Variants in KIFC3 observed in about 807,000 individuals in gnomAD.
The protein encoded by KIFC3 is kinesin family member C3, also known as kinesin-like protein KIFC3.
Under a neutral mutation model 101.8 loss-of-function variants are expected in KIFC3, and 60 were observed. The observed-to-expected ratio is 0.59, with a 90% CI of 0.48 to 0.73. KIFC3 has a LOEUF of 0.73. Ranked by LOEUF, KIFC3 falls within the 30% of genes least tolerant of loss-of-function variation. KIFC3 has a pLI of 0.00. For missense variants in KIFC3, 966 were observed against 1,137.1 expected, an observed-to-expected ratio of 0.85 and a Z score of 2.16; for synonymous variants, 476 against 482.7, an observed-to-expected ratio of 0.99 and a Z score of 0.18.
intron 1 of KIFC3, among the ~76,000 whole-genome samples, chr16:57,837,700 G>A (rs62039941): frequency 3.9e-5 from 6 of 152,274 alleles, no homozygotes; most frequent in Admixed American, 2.0e-4. Flanking sequence ...GTGCAAGGAT[G>A]AGGGTGTGTC....
At chr16:57,815,357 A>T in intron 1 of KIFC3, 1 of 1,005,418 alleles carries the variant, frequency 9.9e-7, no homozygotes, top group Non-Finnish European at 1.2e-6. Context: ...TGTTAGCTCA[A>T]GGCCACAGGT....
chr16:57,852,806 G>A (rs1367131963), intron 1 of KIFC3, among the ~76,000 whole-genome samples: 2 of 152,124 alleles, frequency 1.3e-5, no homozygotes, highest in African/African-American at 4.8e-5. Context: ...CCTATCTAGC[G>A]AAAAGATTCT....
At chr16:57,812,509 G>A (rs1014810970) in intron 1 of KIFC3, among the ~76,000 whole-genome samples, 1 of 152,126 alleles carries the variant, frequency 6.6e-6, no homozygotes, top group Non-Finnish European at 1.5e-5. Context: ...AGTGGCAGGC[G>A]GTGGCCCCAG....
chr16:57,777,146 G>A (rs1042338441), intron 3 of KIFC3: 1 of 152,008 alleles, frequency 6.6e-6, no homozygotes, highest in South Asian at 2.1e-4. Flanking sequence ...CTTAACAAAG[G>A]TTAAATATTG....
chr16:57,844,546 G>A (rs1282734614), intron 1 of KIFC3, among the ~76,000 whole-genome samples: 2 of 152,138 alleles, frequency 1.3e-5, no homozygotes, highest in African/African-American at 4.8e-5. Flanking sequence ...CCCTGGGGAG[G>A]GGGATTGGAG....
At chr16:57,802,970 C>G (rs1482048053), upstream of KIFC3, 1 of 1,535,736 alleles carries the variant, frequency 6.5e-7, no homozygotes, top group Admixed American at 2.0e-5. The surrounding 1 kb of genome is among the most constrained non-coding windows in gnomAD (Gnocchi z 5.0). Context: ...CGAGACAATA[C>G]ATGTACATCC....
At chr16:57,805,864 C>T (rs952861752), upstream of KIFC3, among the ~76,000 whole-genome samples, 3 of 151,864 alleles carry the variant, frequency 2.0e-5, no homozygotes, top group African/African-American at 7.3e-5. Flanking sequence ...TTAGTAGAGA[C>T]GGTGTTTTGC....
In KIFC3 at chr16:57,832,384, C is replaced by T. The variant is rs116408507; in HGVS notation, c.108+30345G>A. On this transcript the variant is annotated intron_variant, in intron 1 of 2. Coordinates refer to the KIFC3 transcript ENST00000563028. ...TCTCGCCCAAGCTAGAACGCATCAGCGCAATCTTGGCTCACTGCAATCTCT... is the reference window on the plus strand; with the variant it reads ...TCTCGCCCAAGCTAGAACGCATCAGTGCAATCTTGGCTCACTGCAATCTCT... Among the ~76,000 whole-genome samples the T allele has an allele frequency of 8.4e-3, 1,158 of 137,654 alleles. 18 individuals carry two copies. Among genetic ancestry groups the T allele is most frequent in the African/African-American group, 0.03 (1,072 of 35,946 alleles). The allele number at this position is 137,654 out of a possible 152,430, so 90.3% of individuals were successfully genotyped here. A position where few individuals can be genotyped will look rare whatever the true frequency, so the allele number is the denominator to read the frequency against.
rs2049498267 is a variant in KIFC3, at chr16:57,759,166, T to TGAC, written c.2477-16_2477-14dup. The TGAC allele has an allele frequency of 6.4e-7, 1 of 1,550,934 alleles. No homozygotes were observed. The highest frequency in any genetic ancestry group is 8.7e-7 in the Non-Finnish European group (1 of 1,146,976). On this transcript the variant is annotated splice_polypyrimidine_tract_variant and intron_variant, in intron 18 of 19. Transcript: ENST00000445690. The stretch of plus-strand genomic sequence containing the variant: ...CCCAGCCGTCAGGCTGAAATCAAAG[T>TGAC]GACAGGCGTCTCACTGGTGGGCTTG...
chr16:57,786,941 G>A (rs1463902413), intron 3 of KIFC3, among the ~76,000 whole-genome samples: 2 of 152,206 alleles, frequency 1.3e-5, no homozygotes, highest in African/African-American at 2.4e-5. Context: ...GGCACGCACA[G>A]GTCGGCTCTT....
chr16:57,764,275 T>TGGGGGGGTGGG, intron 11 of KIFC3, 28 bp from the exon 12 acceptor site: 1 of 539,922 alleles, frequency 1.9e-6, no homozygotes, highest in Non-Finnish European at 3.5e-6. Context: ...GGGAGGCTGG[T>TGGGGGGGTGGG]GGGGGGGCTT....
intron 1 of KIFC3, among the ~76,000 whole-genome samples, chr16:57,820,424 G>A (rs947349283): frequency 3.9e-5 from 6 of 152,058 alleles, no homozygotes; most frequent in Non-Finnish European, 7.4e-5. Context: ...ATAGGTGCAC[G>A]CCATAACACT....
upstream of KIFC3, among the ~76,000 whole-genome samples, chr16:57,805,473 T>C (rs372263674): frequency 3.4e-4 from 51 of 152,122 alleles, no homozygotes; most frequent in African/African-American, 1.1e-3. Context: ...GAGGGAGGAC[T>C]CTTGGGTTCA....
intron 3 of KIFC3, among the ~76,000 whole-genome samples, chr16:57,792,664 G>GC (rs1555620804): frequency 1.3e-5 from 2 of 152,026 alleles, no homozygotes; most frequent in South Asian, 4.1e-4. Context: ...GGAAGCCAAG[G>GC]CAGAGCCCAC....
chr16:57,758,640 G>T lies in KIFC3; in HGVS notation c.*294C>A. On this transcript the variant is annotated 3_prime_UTR_variant, in exon 20 of 20. Transcript: ENST00000445690. ...TCCACACTCCCGCCCTCCTCACGGG[G>T]CCCAGTTCGCTGATGGCCCAGGCCT... 4 of 700,024 alleles carry T rather than the reference G, an allele frequency of 5.7e-6. No homozygotes were observed. Among genetic ancestry groups the T allele is most frequent in the Non-Finnish European group, 1.0e-5 (4 of 384,136 alleles). The allele number at this position is 700,024 out of a possible 1,614,324, so 43.4% of individuals were successfully genotyped here.
intron 1 of KIFC3, among the ~76,000 whole-genome samples, chr16:57,799,145 A>G (rs1466094042): frequency 1.3e-5 from 2 of 152,236 alleles, no homozygotes; most frequent in East Asian, 3.8e-4. Context: ...AGCTTCAGTC[A>G]GGGATAGGTC....
At chr16:57,856,048 C>T (rs1459085534) in intron 1 of KIFC3, among the ~76,000 whole-genome samples, 12 of 151,564 alleles carry the variant, frequency 7.9e-5, no homozygotes, top group South Asian at 6.3e-4. Flanking sequence ...TAAGGCTGGA[C>T]GCAGGGGGCT....
At chr16:57,838,387 C>A (rs2055739352) in intron 1 of KIFC3, among the ~76,000 whole-genome samples, 1 of 152,156 alleles carries the variant, frequency 6.6e-6, no homozygotes, top group Non-Finnish European at 1.5e-5. Context: ...GAGGATGACA[C>A]ACATGGAATA....
intron 1 of KIFC3, among the ~76,000 whole-genome samples, chr16:57,854,471 T>C (rs980160727): frequency 6.6e-6 from 1 of 151,802 alleles, no homozygotes; most frequent in Non-Finnish European, 1.5e-5. Context: ...CTACTAAAAA[T>C]ACAAAAATTA....
Sources: gnomAD v4.1 joint callset for allele counts (sites outside exome capture counted in the v4.1 genomes callset) on GRCh38, gnomAD v4.1.1 for gene constraint, Gnocchi (gnomAD v3.1) non-coding constraint, MANE v1.5 for transcripts, NCBI Gene and HGNC (gene_info 2026-07-23, HGNC 2026-07-21) for gene names.